EVI5: variants seen among roughly 807,000 people sequenced by gnomAD.
The protein encoded by EVI5 is ecotropic viral integration site 5 protein homolog.
EVI5 carries 73 observed loss-of-function variants against 112.0 expected under a neutral mutation model. The ratio of observed to expected loss-of-function variants is 0.65; its 90% CI spans 0.54 to 0.79. EVI5 has a LOEUF of 0.79. Among genes scored for constraint, EVI5 ranks in the 30% least tolerant of loss-of-function variants. EVI5 has a pLI of 0.00. For synonymous variants in EVI5, 305 were observed against 319.9 expected, an observed-to-expected ratio of 0.95 and a Z score of 0.50; for missense variants, 900 against 968.8, an observed-to-expected ratio of 0.93 and a Z score of 0.94.
At chr1:92,568,666 C>A (rs1669864278) in intron 18 of EVI5, among the ~76,000 whole-genome samples, 1 of 152,158 alleles carries the variant, frequency 6.6e-6, no homozygotes, top group Admixed American at 6.6e-5. Flanking sequence ...GGACTTTCGT[C>A]TGCCTCTGCC....
chr1:92,785,480 G>A (rs535182907), upstream of EVI5, among the ~76,000 whole-genome samples: 1 of 152,350 alleles, frequency 6.6e-6, no homozygotes, highest in African/African-American at 2.4e-5. Flanking sequence ...GCTTCGGAAG[G>A]CAGCCCCGAG....
intron 13 of EVI5, chr1:92,647,578 G>C: frequency 1.9e-6 from 1 of 537,906 alleles, no homozygotes; most frequent in East Asian, 3.4e-5. Flanking sequence ...TTCTCTGCAT[G>C]TCTGCACAAA....
chr1:92,622,933 T>C (rs1485119040), intron 16 of EVI5, among the ~76,000 whole-genome samples: 3 of 152,258 alleles, frequency 2.0e-5, no homozygotes, highest in African/African-American at 4.8e-5. Context: ...ATATAGTCTA[T>C]GCATACCTGA....
chr1:92,630,817 C>T (rs1656884938), intron 14 of EVI5, among the ~76,000 whole-genome samples: 1 of 152,318 alleles, frequency 6.6e-6, no homozygotes, highest in East Asian at 1.9e-4. Flanking sequence ...ACATTTAAAT[C>T]TTTAATCCAT....
intron 18 of EVI5, among the ~76,000 whole-genome samples, chr1:92,594,785 A>T (rs1303183583): frequency 2.0e-5 from 3 of 150,306 alleles, no homozygotes; most frequent in Non-Finnish European, 4.5e-5. Context: ...TCAAAAGAAG[A>T]CATTTATGCA....
At chr1:92,745,840 C>A (rs1425469144) in intron 1 of EVI5, among the ~76,000 whole-genome samples, 1 of 152,148 alleles carries the variant, frequency 6.6e-6, no homozygotes, top group Non-Finnish European at 1.5e-5. Context: ...CATATATATT[C>A]CTGTAGGTCA....
At chr1:92,781,332 C>T (rs1473675106) in intron 1 of EVI5, among the ~76,000 whole-genome samples, 1 of 151,846 alleles carries the variant, frequency 6.6e-6, no homozygotes, top group Non-Finnish European at 1.5e-5. Context: ...TATGTTGAAA[C>T]CCTGACTCTA....
chr1:92,724,450 T>C (rs1237225041), intron 2 of EVI5, among the ~76,000 whole-genome samples: 33 of 152,216 alleles, frequency 2.2e-4, no homozygotes, highest in Non-Finnish European at 4.4e-5. Flanking sequence ...AGACTAGCTT[T>C]ACCCTCTTTC....
intron 11 of EVI5, among the ~76,000 whole-genome samples, chr1:92,665,102 G>A (rs1270965610): frequency 6.6e-6 from 1 of 152,170 alleles, no homozygotes; most frequent in African/African-American, 2.4e-5. Flanking sequence ...CTACTCAGGA[G>A]GCTGAGGCAG....
intron 1 of EVI5, among the ~76,000 whole-genome samples, chr1:92,769,281 A>C (rs1683055208): frequency 6.6e-6 from 1 of 152,252 alleles, no homozygotes; most frequent in Non-Finnish European, 1.5e-5. Context: ...AGTCACAGTT[A>C]ACAATATGGT....
At chr1:92,525,296 G>C (rs1661693187) in intron 19 of EVI5, among the ~76,000 whole-genome samples, 1 of 122,660 alleles carries the variant, frequency 8.2e-6, no homozygotes, top group African/African-American at 3.3e-5. Context: ...TTGAGACAGA[G>C]TCTCAATCTG....
At chr1:92,657,708 T>C (rs977145882) in intron 13 of EVI5, among the ~76,000 whole-genome samples, 3 of 152,016 alleles carry the variant, frequency 2.0e-5, no homozygotes, top group African/African-American at 4.8e-5. Context: ...TCTCCTTGCA[T>C]TGTTATGAAG....
chr1:92,556,721 T>C (rs1415396307), intron 19 of EVI5, among the ~76,000 whole-genome samples: 1 of 152,254 alleles, frequency 6.6e-6, no homozygotes, highest in Non-Finnish European at 1.5e-5. Flanking sequence ...AAAATACTTT[T>C]TGATATATAT....
At chr1:92,684,793 A>G (rs986778532) in intron 9 of EVI5, among the ~76,000 whole-genome samples, 1 of 152,092 alleles carries the variant, frequency 6.6e-6, no homozygotes, top group African/African-American at 2.4e-5. Context: ...CAACAAAGAT[A>G]AAAACAGACA....
Position 92,513,869 on chromosome 1 carries a change from G to A in EVI5, c.2268C>T (p.Ser756=). Reference sequence around the variant, plus strand: ...AATTATCTATAAAATCTTCATCGGAGGAATGGAATGATTCATCATCTCCTA... The same window carrying A: ...AATTATCTATAAAATCTTCATCGGAAGAATGGAATGATTCATCATCTCCTA... ...HLIGDDESFH[S]SDEDFIDNSL... is the part of the protein sequence containing the mutation. Residue 756 remains serine (S), a synonymous_variant, in exon 20 of 20, where the codon TCC becomes TCT. Transcript: ENST00000684568. 1 of 1,612,762 alleles carries A rather than the reference G, an allele frequency of 6.2e-7. No homozygotes were observed. The highest frequency in any genetic ancestry group is 8.5e-7 in the Non-Finnish European group (1 of 1,179,222).
intron 1 of EVI5, among the ~76,000 whole-genome samples, chr1:92,748,130 G>A (rs1361451523): frequency 6.6e-6 from 1 of 152,098 alleles, no homozygotes; most frequent in East Asian, 1.9e-4. Context: ...CCATAGAGTG[G>A]TGAAGTCCAC....
chr1:92,611,122 TC>T (rs775948696), intron 16 of EVI5, among the ~76,000 whole-genome samples: 1 of 140,262 alleles, frequency 7.1e-6, no homozygotes, highest in African/African-American at 2.5e-5. Flanking sequence ...AAAAAATAAA[TC>T]CCCCCAAAAA....
intron 19 of EVI5, among the ~76,000 whole-genome samples, chr1:92,545,218 T>C (rs1665477569): frequency 6.6e-6 from 1 of 152,148 alleles, no homozygotes; most frequent in African/African-American, 2.4e-5. Flanking sequence ...ACTGTTATTG[T>C]TTATTTTTAA....
At chr1:92,611,550 A>T (rs1170505242) in intron 16 of EVI5, among the ~76,000 whole-genome samples, 1 of 151,394 alleles carries the variant, frequency 6.6e-6, no homozygotes, top group Non-Finnish European at 1.5e-5. Context: ...AAAAAAAAAA[A>T]AATTAGCCAG....
Sources: allele counts gnomAD v4.1 joint callset (sites outside exome capture counted in the v4.1 genomes callset), GRCh38; gene constraint gnomAD v4.1.1; transcripts MANE v1.5; gene names NCBI Gene and HGNC (gene_info 2026-07-23, HGNC 2026-07-21).